MROH9: variants seen among roughly 807,000 people sequenced by gnomAD.
The protein encoded by MROH9 is maestro heat like repeat family member 9, also known as maestro heat-like repeat-containing protein family member 9.
Under a neutral mutation model 98.2 loss-of-function variants are expected in MROH9, and 92 were observed. That is an observed-to-expected ratio of 0.94 (90% CI 0.79 to 1.11). MROH9 has a LOEUF of 1.11. Ranked by LOEUF, MROH9 falls within the 50% of genes most tolerant of loss-of-function variation. MROH9 has a pLI of 0.00. For synonymous variants in MROH9, 397 were observed against 368.9 expected, an observed-to-expected ratio of 1.08 and a Z score of -0.87; for missense variants, 1,057 against 1,014.8, an observed-to-expected ratio of 1.04 and a Z score of -0.57.
At chr1:170,969,501 T>C (rs911180139) in intron 7 of MROH9, among the ~76,000 whole-genome samples, 8 of 152,212 alleles carry the variant, frequency 5.3e-5, no homozygotes, top group Non-Finnish European at 1.2e-4. Flanking sequence ...TGTTCTCTAT[T>C]GAGAGAATTG....
rs1477472358 is a variant in MROH9 at position 171,016,281 on chromosome 1, T to G, written c.1853T>G (p.Val618Gly). 1 of 1,538,666 alleles carries G rather than the reference T, an allele frequency of 6.5e-7. No individual in the cohort carries two copies. The highest frequency in any genetic ancestry group is 2.5e-5 in the East Asian group (1 of 40,040). Reference sequence around the variant, plus strand: ...AGGCTTTTAAACGAACTGGACAAAGTGACCTACTCTTTGGGTACCAGAATT... The same window carrying G: ...AGGCTTTTAAACGAACTGGACAAAGGGACCTACTCTTTGGGTACCAGAATT... The part of the protein sequence containing the change: ...LRRLLNELDK[V>G]TYSLGTRIGS... Residue 618 changes from valine (V) to glycine (G), a missense_variant, in exon 17 of 22, where the codon GTG (valine) becomes GGG (glycine). Transcript: ENST00000367759.
At chr1:171,033,580 A>T (rs922430292) in intron 20 of MROH9, among the ~76,000 whole-genome samples, 3 of 152,230 alleles carry the variant, frequency 2.0e-5, no homozygotes, top group African/African-American at 7.2e-5. Flanking sequence ...GGGTCACGCC[A>T]GCCTCCTAGT....
intron 20 of MROH9, among the ~76,000 whole-genome samples, chr1:171,027,165 C>A (rs542572321): frequency 6.6e-6 from 1 of 150,824 alleles, no homozygotes; most frequent in Admixed American, 6.6e-5. Flanking sequence ...CATGGTGGTT[C>A]GCTGCCCCTA....
rs904728930 is a variant in MROH9, at chr1:171,014,264, T to C, written c.1734+10T>C. 1.9e-6 allele frequency: 3 copies of C among 1,543,444 alleles called. No individual in the cohort carries two copies. The highest frequency in any genetic ancestry group is 2.6e-6 in the Non-Finnish European group (3 of 1,142,488). On this transcript the variant is annotated intron_variant, in intron 16 of 21. Transcript: ENST00000367759. ...ACCAATTATCAATAAGGTATGTGTATGTGATTTGTGTCTGCAAGCATCATC... is the reference window on the plus strand; with the variant it reads ...ACCAATTATCAATAAGGTATGTGTACGTGATTTGTGTCTGCAAGCATCATC...
At position 170,977,257 on chromosome 1, in the gene MROH9, G is replaced by A. The variant is rs116099985; in HGVS notation, c.616+5374G>A. Among the ~76,000 whole-genome samples the A allele has an allele frequency of 6.9e-3, 1,054 of 152,220 alleles. 6 individuals carry two copies. The highest frequency in any genetic ancestry group is 0.011 in the Non-Finnish European group (780 of 68,012). ...TCTGTCATTTCAGTCAATCCAACCT[G>A]GTTAAGAACCCTTGTTGGAGAACTA... On this transcript the variant is annotated intron_variant, in intron 8 of 21. Transcript: ENST00000367759.
intron 5 of MROH9, among the ~76,000 whole-genome samples, chr1:170,961,157 C>A (rs890743415): frequency 6.6e-6 from 1 of 152,094 alleles, no homozygotes; most frequent in African/African-American, 2.4e-5. Flanking sequence ...TTTCAATGAA[C>A]TTAAAGCAAC....
At chr1:171,027,102 A>T (rs1017835551) in intron 20 of MROH9, among the ~76,000 whole-genome samples, 1 of 152,176 alleles carries the variant, frequency 6.6e-6, no homozygotes, top group Admixed American at 6.6e-5. Flanking sequence ...TTCCAAAAAA[A>T]AATGGAATAC....
intron 20 of MROH9, among the ~76,000 whole-genome samples, chr1:171,042,635 C>T (rs1279973863): frequency 6.6e-6 from 1 of 152,110 alleles, no homozygotes; most frequent in African/African-American, 2.4e-5. Flanking sequence ...TTAACCACAT[C>T]CTCACCAGCA....
intron 15 of MROH9, among the ~76,000 whole-genome samples, chr1:171,008,491 G>T (rs937051352): frequency 6.6e-6 from 1 of 152,098 alleles, no homozygotes; most frequent in Non-Finnish European, 1.5e-5. Context: ...ATACTTTTCT[G>T]TACAATGGAA....
At chr1:171,048,248 C>T (rs905729992) in intron 20 of MROH9, among the ~76,000 whole-genome samples, 9 of 152,276 alleles carry the variant, frequency 5.9e-5, no homozygotes, top group Admixed American at 3.3e-4. Flanking sequence ...ACAGTGAGGT[C>T]CCCCAGGACA....
chr1:170,953,284 G>C (rs1025271852), intron 3 of MROH9, among the ~76,000 whole-genome samples: 1 of 151,940 alleles, frequency 6.6e-6, no homozygotes, highest in African/African-American at 2.4e-5. Flanking sequence ...TATTCTCTCA[G>C]TATATGGTTT....
chr1:171,049,966 A>G (rs55982891), intron 20 of MROH9, among the ~76,000 whole-genome samples: 18,361 of 152,180 alleles, frequency 0.12, 1,212 homozygotes, highest in Middle Eastern at 0.22. Context: ...ACAGGCATGA[A>G]CCACCATGCC....
At chr1:170,972,829 T>TACACACACACACAC (rs3980699) in intron 8 of MROH9, among the ~76,000 whole-genome samples, 9 of 128,680 alleles carry the variant, frequency 7.0e-5, no homozygotes, top group Non-Finnish European at 1.1e-4. Flanking sequence ...AAAAAAAAAA[T>TACACACACACACAC]ACACACACAC....
chr1:171,045,186 G>A (rs1030856389), intron 20 of MROH9, among the ~76,000 whole-genome samples: 18 of 151,300 alleles, frequency 1.2e-4, no homozygotes, highest in African/African-American at 4.4e-4. Context: ...ATTTTTAGTA[G>A]AGACGGGGTT....
chr1:170,986,460 G>A lies in MROH9; in HGVS notation c.730-101G>A. 4.9e-6 allele frequency: 6 copies of A among 1,234,442 alleles called. No individual in the cohort carries two copies. The South Asian group carries it at 9.6e-5, about 20-fold the overall frequency. The allele number at this position is 1,234,442 out of a possible 1,614,324, so 76.5% of individuals were successfully genotyped here. ...GTATATGGCCCACGGAAGACTTGTG[G>A]CCCTGCTTGGCTCTTGAGCATCCCC... is the stretch of plus-strand genomic sequence containing the variant. On this transcript the variant is annotated intron_variant, in intron 9 of 21. Transcript: ENST00000367759.
rs192196459 is a variant in MROH9 at position 171,050,813 on chromosome 1, T to C, written c.2282-11319T>C. Reference sequence around the variant, plus strand: ...ATATTGGTTGTGGGTTTGTCACATATGGCTTTTATTATTTTGAGGTATGTT... The same window carrying C: ...ATATTGGTTGTGGGTTTGTCACATACGGCTTTTATTATTTTGAGGTATGTT... On this transcript the variant is annotated intron_variant, in intron 20 of 21. Coordinates refer to ENST00000367759, the MANE Select transcript of MROH9 (RefSeq NM_001163629.2). Among the ~76,000 whole-genome samples the C allele has an allele frequency of 7.2e-5, 11 of 152,348 alleles. No individual in the cohort carries two copies. The East Asian group carries it at 1.3e-3, about 19-fold the overall frequency.
chr1:170,970,731 T>TGTGTGTGTGTGTGTGTGAGAGAGA (rs1491154307), intron 7 of MROH9, among the ~76,000 whole-genome samples: 1 of 90,802 alleles, frequency 1.1e-5, no homozygotes, highest in African/African-American at 4.3e-5. Flanking sequence ...TGTGTGTGTG[T>TGTGTGTGTGTGTGTGTGAGAGAGA]GAGAGAGAGA....
chr1:170,976,537 A>C (rs1650697617), intron 8 of MROH9, among the ~76,000 whole-genome samples: 1 of 152,140 alleles, frequency 6.6e-6, no homozygotes, highest in African/African-American at 2.4e-5. Context: ...AATTGAGGCC[A>C]GGAGTTTGAA....
chr1:170,955,943 T>C (rs940795208), intron 3 of MROH9, among the ~76,000 whole-genome samples: 1 of 152,240 alleles, frequency 6.6e-6, no homozygotes, highest in Admixed American at 6.5e-5. Flanking sequence ...ATTTTTATAG[T>C]TTCAGGTCTT....
Sources: allele counts gnomAD v4.1 joint callset (sites outside exome capture counted in the v4.1 genomes callset), GRCh38; gene constraint gnomAD v4.1.1; transcripts MANE v1.5; gene names NCBI Gene and HGNC (gene_info 2026-07-23, HGNC 2026-07-21).